The following NWD2 variants were observed in gnomAD, a reference collection of about 807,000 sequenced individuals.
NWD2 encodes the protein NACHT and WD repeat domain containing 2, also known as NACHT and WD repeat domain-containing protein 2.
A neutral mutation model predicts 132.7 loss-of-function variants in NWD2; 37 were observed. That is an observed-to-expected ratio of 0.28 (90% CI 0.21 to 0.37). The LOEUF is 0.37. Ranked by LOEUF, NWD2 falls within the 10% of genes least tolerant of loss-of-function variation. The pLI, the probability that NWD2 is intolerant of heterozygous loss-of-function variation, is 1.00. For missense variants in NWD2, 1,592 were observed against 2,122.4 expected, an observed-to-expected ratio of 0.75 and a Z score of 4.91; for synonymous variants, 705 against 803.0, an observed-to-expected ratio of 0.88 and a Z score of 2.06.
chr4:37,247,307 G>A (rs901131512), intron 1 of NWD2, among the ~76,000 whole-genome samples: 1 of 152,200 alleles, frequency 6.6e-6, no homozygotes, highest in African/African-American at 2.4e-5. Context: ...CTTTATGGAT[G>A]CAATTTAGAA....
At chr4:37,431,590 G>A (rs1182359128) in intron 4 of NWD2, among the ~76,000 whole-genome samples, 1 of 152,144 alleles carries the variant, frequency 6.6e-6, no homozygotes, top group Non-Finnish European at 1.5e-5. Context: ...TTATAAACCT[G>A]AAATTGGCTG....
chr4:37,413,226 A>G (rs1309646307), intron 3 of NWD2, among the ~76,000 whole-genome samples: 1 of 152,250 alleles, frequency 6.6e-6, no homozygotes, highest in Non-Finnish European at 1.5e-5. Context: ...TATCCATCTG[A>G]CAAAGGGCTA....
chr4:37,418,941 T>A (rs1711720302), intron 3 of NWD2, among the ~76,000 whole-genome samples: 1 of 152,034 alleles, frequency 6.6e-6, no homozygotes, highest in African/African-American at 2.4e-5. Flanking sequence ...ATGAGCTTTT[T>A]TTTTTATTGG....
chr4:37,329,484 CTG>C (rs1166292281), intron 2 of NWD2, among the ~76,000 whole-genome samples: 2 of 152,040 alleles, frequency 1.3e-5, no homozygotes, highest in East Asian at 3.9e-4. Context: ...ATGCGGATGT[CTG>C]GAGTTGTGGG....
At chr4:37,342,064 C>T (rs534155863) in intron 2 of NWD2, among the ~76,000 whole-genome samples, 14 of 152,262 alleles carry the variant, frequency 9.2e-5, no homozygotes, top group South Asian at 2.1e-4. Context: ...GGCACTGATA[C>T]GGTTTGGATG....
At chr4:37,371,109 A>T (rs1428815297) in intron 3 of NWD2, among the ~76,000 whole-genome samples, 1 of 115,510 alleles carries the variant, frequency 8.7e-6, no homozygotes, top group Non-Finnish European at 1.6e-5. Context: ...ACAGATTCTC[A>T]GTCTGTCGCC....
At chr4:37,322,761 A>G (rs1719095038) in intron 1 of NWD2, among the ~76,000 whole-genome samples, 2 of 152,210 alleles carry the variant, frequency 1.3e-5, no homozygotes, top group South Asian at 2.1e-4. Flanking sequence ...CAGAAGGGAC[A>G]GAAGTAGATT....
chr4:37,279,191 A>G (rs538544301), intron 1 of NWD2, among the ~76,000 whole-genome samples: 2 of 152,264 alleles, frequency 1.3e-5, no homozygotes, highest in African/African-American at 4.8e-5. Flanking sequence ...CCATATTTCA[A>G]TTGTTTGCTT....
intron 3 of NWD2, among the ~76,000 whole-genome samples, chr4:37,427,475 T>C (rs77617068): frequency 0.057 from 8,679 of 152,266 alleles, 353 homozygotes; most frequent in Non-Finnish European, 0.088. Context: ...GATACATCAT[T>C]TGTGTTACAT....
chr4:37,394,806 T>TTTTTTTG (rs1720750562), intron 3 of NWD2, among the ~76,000 whole-genome samples: 4 of 100,506 alleles, frequency 4.0e-5, no homozygotes, highest in Non-Finnish European at 8.0e-5. Context: ...ATGGTTTTTT[T>TTTTTTTG]TTTTTTTTTT....
Position 37,320,467 on chromosome 4 carries a change from G to A in NWD2, c.152-5469G>A, listed in dbSNP as rs1290805214. On this transcript the variant is annotated intron_variant, in intron 1 of 6. Coordinates refer to ENST00000309447, the MANE Select transcript of NWD2 (RefSeq NM_001144990.2). Reference sequence around the variant, plus strand: ...TCTGTGAGACAGGGACAGATAACAGGTCAAGCAAATAGACTTTTTGCTTCT... The same window carrying A: ...TCTGTGAGACAGGGACAGATAACAGATCAAGCAAATAGACTTTTTGCTTCT... Among the ~76,000 whole-genome samples, 3 of 152,200 alleles carry A rather than the reference G, an allele frequency of 2.0e-5. No homozygotes were observed. In the East Asian group the frequency reaches 5.8e-4, roughly 29 times the overall value.
chr4:37,258,985 C>T (rs2109258345), intron 1 of NWD2, among the ~76,000 whole-genome samples: 1 of 152,284 alleles, frequency 6.6e-6, no homozygotes, highest in Admixed American at 6.5e-5. Context: ...CAGGGAGTCC[C>T]CTCTTAACAC....
intron 1 of NWD2, among the ~76,000 whole-genome samples, chr4:37,268,813 C>T (rs1277584654): frequency 6.6e-6 from 1 of 151,742 alleles, no homozygotes; most frequent in East Asian, 1.9e-4. Flanking sequence ...GGTGGACAAG[C>T]TACAAGGCAG....
At chr4:37,318,814 A>T (rs1443343644) in intron 1 of NWD2, among the ~76,000 whole-genome samples, 2 of 152,138 alleles carry the variant, frequency 1.3e-5, no homozygotes, top group East Asian at 3.8e-4. Context: ...TGATTTCATT[A>T]TATTTTATAA....
intron 1 of NWD2, among the ~76,000 whole-genome samples, chr4:37,268,034 A>T (rs995983929): frequency 6.6e-6 from 1 of 151,906 alleles, no homozygotes; most frequent in African/African-American, 2.4e-5. Flanking sequence ...CTCTGTACAA[A>T]GAAAATAGAT....
At chr4:37,401,881 C>T (rs1332951651) in intron 3 of NWD2, among the ~76,000 whole-genome samples, 1 of 152,166 alleles carries the variant, frequency 6.6e-6, no homozygotes, top group African/African-American at 2.4e-5. Flanking sequence ...CCTCTGTGTT[C>T]CAGTGCAGAT....
chr4:37,434,024 A>G lies in NWD2; in HGVS notation c.706+4A>G. The G allele has an allele frequency of 1.3e-6, 2 of 1,536,146 alleles. No homozygotes were observed. Among genetic ancestry groups the G allele is most frequent in the Non-Finnish European group, 1.8e-6 (2 of 1,138,360 alleles). ...GCTAAGAGGTACCTGTTCTCAGGTA[A>G]TTTTCCCATACCTTCAGTAAAATAA... On this transcript the variant is annotated splice_donor_region_variant and intron_variant, in intron 5 of 6. Coordinates refer to ENST00000309447, the MANE Select transcript of NWD2 (RefSeq NM_001144990.2).
At chr4:37,287,835 G>A (rs1718267237) in intron 1 of NWD2, among the ~76,000 whole-genome samples, 1 of 152,168 alleles carries the variant, frequency 6.6e-6, no homozygotes, top group African/African-American at 2.4e-5. Flanking sequence ...AGGAATATAA[G>A]TCATTCTATG....
intron 2 of NWD2, among the ~76,000 whole-genome samples, chr4:37,345,868 G>T (rs1264567192): frequency 6.6e-6 from 1 of 152,128 alleles, no homozygotes; most frequent in African/African-American, 2.4e-5. Flanking sequence ...ATCACCTGAG[G>T]TTAGGAGTTA....
Sources: allele counts gnomAD v4.1 joint callset (sites outside exome capture counted in the v4.1 genomes callset), GRCh38; gene constraint gnomAD v4.1.1; transcripts MANE v1.5; gene names NCBI Gene and HGNC (gene_info 2026-07-23, HGNC 2026-07-21).